Variants in GABRG3 observed in about 807,000 individuals in gnomAD.
GABRG3 encodes gamma-aminobutyric acid type A receptor subunit gamma3, also known as gamma-aminobutyric acid receptor subunit gamma-3.
GABRG3 carries 25 observed loss-of-function variants against 48.8 expected under a neutral mutation model. That is an observed-to-expected ratio of 0.51 (90% CI 0.37 to 0.72). The LOEUF (loss-of-function observed/expected upper bound fraction) is 0.72. GABRG3 is among the 30% of genes least tolerant of loss of function. The pLI is 0.00. For missense variants in GABRG3, 394 were observed against 577.9 expected, an observed-to-expected ratio of 0.68 and a Z score of 3.26; for synonymous variants, 227 against 217.6, an observed-to-expected ratio of 1.04 and a Z score of -0.38.
intron 3 of GABRG3, among the ~76,000 whole-genome samples, chr15:27,099,242 G>T (rs1227521923): frequency 1.3e-5 from 2 of 152,186 alleles, no homozygotes; most frequent in African/African-American, 4.8e-5. Context: ...AAGCCACTCT[G>T]ATGACAGTAG....
chr15:27,494,243 T>A (rs180943192), intron 6 of GABRG3, among the ~76,000 whole-genome samples: 314 of 151,932 alleles, frequency 2.1e-3, no homozygotes, highest in Non-Finnish European at 3.5e-3. Flanking sequence ...TTAATATTAT[T>A]AACAATACAA....
chr15:27,281,557 C>A (rs1891434632), intron 3 of GABRG3, among the ~76,000 whole-genome samples: 1 of 149,278 alleles, frequency 6.7e-6, no homozygotes, highest in South Asian at 2.1e-4. Context: ...TAAATGGTTT[C>A]TCTGGGTGAT....
At chr15:27,199,343 T>C (rs886799670) in intron 3 of GABRG3, among the ~76,000 whole-genome samples, 14 of 152,146 alleles carry the variant, frequency 9.2e-5, no homozygotes, top group Non-Finnish European at 1.8e-4. Context: ...TTCTCAATGC[T>C]AGGATTAACT....
chr15:27,078,579 G>A (rs1448263463), intron 3 of GABRG3, among the ~76,000 whole-genome samples: 2 of 152,164 alleles, frequency 1.3e-5, no homozygotes, highest in African/African-American at 2.4e-5. Context: ...AAAGGGTACC[G>A]AGGCTATGAT....
rs115196362 is a variant in GABRG3 at position 27,430,639 on chromosome 15, A to G, written c.575-50011A>G. ...GTGCATATCCCATTGTCCCAGCAAC[A>G]TTTGTTTAAATGACTACTGTTTTGC... On this transcript the variant is annotated intron_variant, in intron 5 of 9. Coordinates refer to ENST00000615808, the MANE Select transcript of GABRG3 (RefSeq NM_033223.5). Among the ~76,000 whole-genome samples, 556 of 152,282 alleles carry G rather than the reference A, an allele frequency of 3.7e-3. 8 individuals carry two copies. The highest frequency in any genetic ancestry group is 0.013 in the African/African-American group (550 of 41,554).
chr15:27,388,242 GA>G (rs1896063057), intron 5 of GABRG3, among the ~76,000 whole-genome samples: 1 of 42,496 alleles, frequency 2.4e-5, no homozygotes, highest in African/African-American at 1.1e-4. Flanking sequence ...AGGAGGGAGG[GA>G]GGAAAGGAAG....
chr15:27,145,569 A>G (rs1328782335), intron 3 of GABRG3, among the ~76,000 whole-genome samples: 3 of 126,834 alleles, frequency 2.4e-5, no homozygotes, highest in African/African-American at 8.3e-5. Flanking sequence ...ATTACTCTCT[A>G]TTTACTCTAC....
intron 9 of GABRG3, among the ~76,000 whole-genome samples, chr15:27,530,215 C>T (rs114783418): frequency 0.017 from 2,620 of 152,262 alleles, 79 homozygotes; most frequent in African/African-American, 0.058. Flanking sequence ...CCTTTCCTAA[C>T]ATGTCAAATG....
intron 7 of GABRG3, among the ~76,000 whole-genome samples, chr15:27,524,440 A>G (rs1891228387): frequency 6.6e-6 from 1 of 152,138 alleles, no homozygotes; most frequent in South Asian, 2.1e-4. Context: ...GAAAAAATAC[A>G]AAAAGTGAAA....
intron 5 of GABRG3, among the ~76,000 whole-genome samples, chr15:27,459,996 G>C (rs1383555089): frequency 1.3e-5 from 2 of 152,038 alleles, no homozygotes; most frequent in Non-Finnish European, 2.9e-5. Context: ...ATGTCGTAAT[G>C]GTGGTCCTTT....
chr15:27,024,929 G>A (rs567150028), intron 2 of GABRG3, among the ~76,000 whole-genome samples: 1 of 150,014 alleles, frequency 6.7e-6, no homozygotes, highest in East Asian at 2.0e-4. Flanking sequence ...GGGAGGCTGA[G>A]TCAGGAGAAT....
At chr15:27,031,143 A>G (rs547316025) in intron 3 of GABRG3, among the ~76,000 whole-genome samples, 4 of 152,094 alleles carry the variant, frequency 2.6e-5, no homozygotes, top group African/African-American at 4.8e-5. Context: ...TGTATTTGTT[A>G]CAATGAATGA....
chr15:27,318,794 G>C (rs190867967), intron 3 of GABRG3, among the ~76,000 whole-genome samples: 11 of 152,190 alleles, frequency 7.2e-5, no homozygotes, highest in Non-Finnish European at 1.6e-4. Context: ...TCCTCTCTGG[G>C]GGTCTAAGGG....
At chr15:27,527,839 G>T in intron 8 of GABRG3, 94 bp from the exon 9 acceptor site, 2 of 1,094,442 alleles carry the variant, frequency 1.8e-6, no homozygotes, top group South Asian at 1.4e-5. Flanking sequence ...GACGTGGCTT[G>T]GTTTAGTCAT....
intron 3 of GABRG3, among the ~76,000 whole-genome samples, chr15:27,144,434 G>A (rs905668764): frequency 6.6e-6 from 1 of 152,092 alleles, no homozygotes; most frequent in Non-Finnish European, 1.5e-5. Context: ...CCATTCAAAG[G>A]GCATGTCTTT....
intron 2 of GABRG3, among the ~76,000 whole-genome samples, chr15:26,993,475 AG>A (rs1895284370): frequency 1.3e-5 from 2 of 152,058 alleles, no homozygotes; most frequent in Non-Finnish European, 2.9e-5. Context: ...CTAGTCTTTC[AG>A]GGCCATATTG....
chr15:27,483,802 G>T (rs1890154233), intron 6 of GABRG3, among the ~76,000 whole-genome samples: 1 of 152,178 alleles, frequency 6.6e-6, no homozygotes, highest in African/African-American at 2.4e-5. Context: ...AGTGTGCTTT[G>T]TCATGTTACT....
At chr15:27,443,858 G>A (rs1302973336) in intron 5 of GABRG3, among the ~76,000 whole-genome samples, 1 of 152,148 alleles carries the variant, frequency 6.6e-6, no homozygotes, top group African/African-American at 2.4e-5. Context: ...TAATGAACCG[G>A]TGTCAAATTT....
chr15:27,038,687 C>A (rs752026019), intron 3 of GABRG3, among the ~76,000 whole-genome samples: 1 of 152,204 alleles, frequency 6.6e-6, no homozygotes, highest in Non-Finnish European at 1.5e-5. Context: ...CTCTTGGGGC[C>A]TGGGGCACAT....
Sources: allele counts gnomAD v4.1 joint callset (sites outside exome capture counted in the v4.1 genomes callset), GRCh38; gene constraint gnomAD v4.1.1; transcripts MANE v1.5; gene names NCBI Gene and HGNC (gene_info 2026-07-23, HGNC 2026-07-21).